The following NXN variants were observed in gnomAD, a reference collection of about 807,000 sequenced individuals.
NXN encodes the protein nucleoredoxin 1.
A neutral mutation model predicts 48.6 loss-of-function variants in NXN; 16 were observed. The observed-to-expected ratio is 0.33, with a 90% confidence interval of 0.22 to 0.50. NXN has a LOEUF of 0.50. NXN is among the 20% of genes least tolerant of loss of function. The probability of loss-of-function intolerance (pLI) is 0.98; values close to 1 mark genes in which losing one functional copy is unlikely to be tolerated. For missense variants in NXN, 492 were observed against 605.5 expected (o/e 0.81, Z 1.97); for synonymous variants, 281 against 269.6 (o/e 1.04, Z -0.41).
In NXN at chr17:800,737, A is replaced by C; in HGVS notation, c.*212T>G. The C allele has an allele frequency of 5.1e-6, 2 of 388,534 alleles. No individual in the cohort carries two copies. Among genetic ancestry groups the C allele is most frequent in the Non-Finnish European group, 4.6e-6 (1 of 219,772 alleles). The allele number at this position is 388,534 out of a possible 1,614,324, so 24.1% of individuals were successfully genotyped here. A position where few individuals can be genotyped will look rare whatever the true frequency, so the allele number is the denominator to read the frequency against. ...CCCCGGCCATCCCGTGCTCCCAAAC[A>C]GAGTCTCCAAACACGGTGGACTCTG... On this transcript the variant is annotated 3_prime_UTR_variant, in exon 8 of 8. Coordinates refer to ENST00000336868, the MANE Select transcript of NXN (RefSeq NM_022463.5).
At position 893,289 on chromosome 17, in the gene NXN, G is replaced by A. The variant is rs140807630; in HGVS notation, c.361-67211C>T. On this transcript the variant is annotated intron_variant, in intron 1 of 7. Transcript: ENST00000336868. ...CATGGGTTGTGGACACTCCTCTGGGGGATAATCTTTTTAGGGGAGAAAGCA... is the reference window on the plus strand; with the variant it reads ...CATGGGTTGTGGACACTCCTCTGGGAGATAATCTTTTTAGGGGAGAAAGCA... 5.6e-3 allele frequency among the ~76,000 whole-genome samples: 858 copies of A among 152,298 alleles called. 10 individuals carry two copies. The highest frequency in any genetic ancestry group is 0.02 in the African/African-American group (818 of 41,560).
intron 1 of NXN, among the ~76,000 whole-genome samples, chr17:916,186 G>T (rs369178206): frequency 6.6e-6 from 1 of 152,096 alleles, no homozygotes; most frequent in Admixed American, 6.6e-5. Flanking sequence ...ATCCTGGCAC[G>T]TCGGCAACAG....
At chr17:928,536 C>T (rs1051528193) in intron 1 of NXN, among the ~76,000 whole-genome samples, 1 of 152,112 alleles carries the variant, frequency 6.6e-6, no homozygotes, top group Non-Finnish European at 1.5e-5. Context: ...CCTTAATTCC[C>T]TTGAAAAAGT....
intron 1 of NXN, among the ~76,000 whole-genome samples, chr17:942,847 C>A (rs7207720): frequency 1.1e-3 from 4 of 3,658 alleles, no homozygotes; most frequent in African/African-American, 3.3e-3. Context: ...TTACAGTGAA[C>A]AAGATTCCAG....
At chr17:866,400 T>A (rs903756871) in intron 1 of NXN, among the ~76,000 whole-genome samples, 1 of 152,106 alleles carries the variant, frequency 6.6e-6, no homozygotes, top group Non-Finnish European at 1.5e-5. Context: ...CTGGGCAACA[T>A]GGTGAAACGC....
intron 1 of NXN, among the ~76,000 whole-genome samples, chr17:951,968 C>T (rs1007259040): frequency 1.2e-4 from 18 of 152,186 alleles, no homozygotes; most frequent in African/African-American, 4.1e-4. Flanking sequence ...CCTGCCCTGA[C>T]CTCAGTCCCC....
chr17:858,393 A>G (rs1482508105), intron 1 of NXN, among the ~76,000 whole-genome samples: 3 of 152,280 alleles, frequency 2.0e-5, no homozygotes, highest in Non-Finnish European at 2.9e-5. Flanking sequence ...TATTGACATG[A>G]AAGAACCACA....
At chr17:977,256 G>A (rs58991145) in intron 1 of NXN, among the ~76,000 whole-genome samples, 6,759 of 152,234 alleles carry the variant, frequency 0.044, 293 homozygotes, top group East Asian at 0.26. Context: ...TATAGGATGT[G>A]AGTCAGAAAA....
intron 1 of NXN, chr17:878,097 C>T (rs975802046): frequency 1.3e-5 from 2 of 151,820 alleles, no homozygotes; most frequent in Non-Finnish European, 1.5e-5. Context: ...CAGGCAATGA[C>T]GCCGTAACAG....
chr17:857,966 T>C (rs553298889), intron 1 of NXN, among the ~76,000 whole-genome samples: 40 of 150,290 alleles, frequency 2.7e-4, no homozygotes, highest in Non-Finnish European at 5.2e-4. Context: ...ACCAAAGATA[T>C]AAATCTTTTT....
chr17:912,827 G>A (rs1370267265), intron 1 of NXN, among the ~76,000 whole-genome samples: 1 of 152,008 alleles, frequency 6.6e-6, no homozygotes, highest in Non-Finnish European at 1.5e-5. Flanking sequence ...GGTGGTACGT[G>A]TCTGTAATCC....
chr17:903,913 G>A (rs1008658139), intron 1 of NXN, among the ~76,000 whole-genome samples: 16 of 151,938 alleles, frequency 1.1e-4, no homozygotes, highest in South Asian at 1.0e-3. Flanking sequence ...CACCCCCCAC[G>A]GGCAGATTCC....
At chr17:801,440 A>ATTTTTT (rs773810580) in intron 7 of NXN, among the ~76,000 whole-genome samples, 1 of 84,428 alleles carries the variant, frequency 1.2e-5, no homozygotes, top group African/African-American at 3.8e-5. Context: ...GAAATGTCAC[A>ATTTTTT]TTCTTTTTTT....
chr17:845,928 T>G (rs2067855114), intron 1 of NXN, among the ~76,000 whole-genome samples: 1 of 151,924 alleles, frequency 6.6e-6, no homozygotes, highest in African/African-American at 2.4e-5. Context: ...CCGGGTGTGG[T>G]GGCTCATGCC....
intron 1 of NXN, among the ~76,000 whole-genome samples, chr17:889,755 GAAAGAAAAAGAAAGAA>G (rs1245280555): frequency 2.2e-5 from 2 of 92,088 alleles, no homozygotes; most frequent in African/African-American, 1.2e-4. Flanking sequence ...AAGAAAGAAA[GAAAGAAAAAGAAAGAA>G]AGAAAAGAGA....
intron 6 of NXN, chr17:804,060 T>A (rs1755460241): frequency 2.0e-6 from 1 of 496,256 alleles, no homozygotes; most frequent in Admixed American, 3.3e-5. Context: ...ACTGAGCAGC[T>A]CTGCTCTCCC....
intron 1 of NXN, among the ~76,000 whole-genome samples, chr17:900,032 G>A (rs376322294): frequency 3.3e-5 from 5 of 152,194 alleles, no homozygotes; most frequent in South Asian, 4.1e-4. Context: ...TTGGGAGGCC[G>A]AGGCAGGCGG....
chr17:940,877 T>C (rs1336645020), intron 1 of NXN, among the ~76,000 whole-genome samples: 255 of 104,090 alleles, frequency 2.4e-3, no homozygotes, highest in Admixed American at 6.9e-3. Context: ...CAGCCATGAA[T>C]TCACCAAACA....
intron 1 of NXN, among the ~76,000 whole-genome samples, chr17:904,646 C>T (rs556656057): frequency 3.9e-5 from 6 of 152,108 alleles, no homozygotes; most frequent in Non-Finnish European, 7.4e-5. Flanking sequence ...CGGGTTCAAG[C>T]GATTCTCCTG....
Sources: gnomAD v4.1 joint callset for allele counts (sites outside exome capture counted in the v4.1 genomes callset) on GRCh38, gnomAD v4.1.1 for gene constraint, MANE v1.5 for transcripts, NCBI Gene and HGNC (gene_info 2026-07-23, HGNC 2026-07-21) for gene names.